The following DEAF1 variants were observed in gnomAD, a reference collection of about 807,000 sequenced individuals.
The protein encoded by DEAF1 is DEAF1 transcription factor.
Under a neutral mutation model 58.9 loss-of-function variants are expected in DEAF1, and 53 were observed. The ratio of observed to expected loss-of-function variants is 0.90; its 90% CI spans 0.72 to 1.13. The LOEUF is 1.13. DEAF1 is among the 50% of genes most tolerant of loss of function. DEAF1 has a pLI of 0.00. For missense variants in DEAF1, 685 were observed against 791.4 expected (o/e 0.87, Z 1.61); for synonymous variants, 385 against 340.4 (o/e 1.13, Z -1.44).
Position 694,827 on chromosome 11 carries a change from C to T in DEAF1, c.221G>A (p.Gly74Glu), listed in dbSNP as rs748707692. ...TAVAVMAAEP[G>E]HMDMGAEALP... ...GGCCTCGGCGCCCATGTCCATGTGC[C>T]CGGGCTCCGCCGCCATCACCGCCAC... is the stretch of plus-strand genomic sequence containing the variant. Residue 74 changes from glycine to glutamate, a missense_variant, in exon 1 of 12, where the codon GGG becomes GAG. Coordinates refer to ENST00000382409, the MANE Select transcript of DEAF1 (RefSeq NM_021008.4). 2.5e-5 allele frequency: 36 copies of T among 1,455,032 alleles called. No homozygotes were observed. Among genetic ancestry groups the T allele is most frequent in the Non-Finnish European group, 2.3e-5 (26 of 1,106,890 alleles). 90.1% of individuals were successfully genotyped at this position (1,455,032 alleles called of 1,614,324 possible).
chr11:653,802 G>A, intron 11 of DEAF1, 160 bp downstream of exon 11: 1 of 701,002 alleles, frequency 1.4e-6, no homozygotes. Flanking sequence ...CTTCTGCAGG[G>A]TCTTCACGGA....
intron 10 of DEAF1, among the ~76,000 whole-genome samples, chr11:671,839 AAAAAAAAAAAG>A (rs1238723088): frequency 3.0e-5 from 4 of 131,662 alleles, no homozygotes; most frequent in Non-Finnish European, 4.8e-5. Context: ...AAAAAAAAAA[AAAAAAAAAAAG>A]AAACACAAAA....
chr11:670,483 G>A (rs1859763699), intron 10 of DEAF1, among the ~76,000 whole-genome samples: 4 of 151,268 alleles, frequency 2.6e-5, no homozygotes, highest in Non-Finnish European at 1.5e-5. Flanking sequence ...GGGAGGCCAA[G>A]GCAAGTAGAT....
chr11:689,262 G>T (rs1239466767), intron 2 of DEAF1, among the ~76,000 whole-genome samples: 1 of 137,136 alleles, frequency 7.3e-6, no homozygotes, highest in Non-Finnish European at 1.5e-5. Context: ...CTGGAGTGCA[G>T]TGGCGCCATC....
intron 8 of DEAF1, 64 bp from the exon 9 acceptor site, chr11:678,886 C>A: frequency 6.2e-7 from 1 of 1,603,092 alleles, no homozygotes; most frequent in Non-Finnish European, 8.5e-7. Flanking sequence ...CTCTAAATAT[C>A]ACGCTGTATG....
In DEAF1 at chr11:680,888, G is replaced by T. The variant is rs1053751743; in HGVS notation, c.997+75C>A. 12 of 1,598,788 alleles carry T rather than the reference G, an allele frequency of 7.5e-6. No individual in the cohort carries two copies. In the Admixed American group the frequency reaches 8.3e-5, roughly 11 times the overall value. On this transcript the variant is annotated intron_variant, in intron 7 of 11. Coordinates refer to ENST00000382409, the MANE Select transcript of DEAF1 (RefSeq NM_021008.4). ...TAGAAGTGAGAATCCCGCAGTGGCC[G>T]TGGGAGTGGTGACGAGAGAAGGCAA... is the stretch of plus-strand genomic sequence containing the variant.
chr11:651,746 C>T (rs965772211), intron 11 of DEAF1, among the ~76,000 whole-genome samples: 2 of 152,120 alleles, frequency 1.3e-5, no homozygotes, highest in South Asian at 2.1e-4. Flanking sequence ...ATCAGCCGGG[C>T]GTGGTGGCGG....
At position 701,708 on chromosome 11, in the gene DEAF1, C is replaced by T. The variant is rs1237886537; in HGVS notation, c.-438+4864G>A. Among the ~76,000 whole-genome samples, 6 of 152,098 alleles carry T rather than the reference C, an allele frequency of 3.9e-5. No individual in the cohort carries two copies. The East Asian group carries it at 5.8e-4, about 15-fold the overall frequency. On this transcript the variant is annotated intron_variant, in intron 1 of 11. Coordinates refer to the DEAF1 transcript ENST00000683307. ...ACAGGCGTGAGCCACCGCGCCCGGC[C>T]GGAGACAGGGTTTCGCTATGTTACC...
intron 6 of DEAF1, among the ~76,000 whole-genome samples, chr11:683,847 C>T (rs962669191): frequency 1.3e-5 from 2 of 152,116 alleles, no homozygotes; most frequent in South Asian, 2.1e-4. Flanking sequence ...TACATGATTT[C>T]CTAGACTGAC....
intron 1 of DEAF1, chr11:703,028 C>T (rs1203428535): frequency 1.9e-6 from 3 of 1,612,772 alleles, no homozygotes; most frequent in African/African-American, 2.7e-5. Context: ...CCTCTCTGCC[C>T]ACTTCCTGCT....
At chr11:700,083 G>A (rs562629066), upstream of DEAF1, 1 of 1,465,900 alleles carries the variant, frequency 6.8e-7, no homozygotes, top group South Asian at 1.2e-5. Context: ...CTCTTGTTCA[G>A]CCACCTGGGA....
At chr11:685,728 T>C (rs368600493) in intron 5 of DEAF1, among the ~76,000 whole-genome samples, 4 of 151,686 alleles carry the variant, frequency 2.6e-5, no homozygotes, top group African/African-American at 9.7e-5. Flanking sequence ...AATCAGGTAA[T>C]GCCCAGGCCA....
intron 1 of DEAF1, chr11:702,959 C>T (rs771912725): frequency 5.0e-6 from 8 of 1,608,624 alleles, no homozygotes; most frequent in Non-Finnish European, 5.9e-6. Context: ...CAGGGGCAAC[C>T]TGACAGAGGC....
intron 11 of DEAF1, among the ~76,000 whole-genome samples, chr11:653,618 C>T (rs1858899945): frequency 1.4e-5 from 2 of 147,266 alleles, no homozygotes; most frequent in Admixed American, 1.4e-4. Context: ...GTCTCTCTCA[C>T]GTGGCTCTGC....
chr11:681,479 G>C (rs1347805973), intron 6 of DEAF1, among the ~76,000 whole-genome samples: 5 of 150,764 alleles, frequency 3.3e-5, no homozygotes, highest in Non-Finnish European at 7.4e-5. Context: ...GGCACAATCT[G>C]GGCTCACTGC....
At chr11:684,778 G>C (rs1564948089) in intron 6 of DEAF1, 120 bp downstream of exon 6, 7 of 845,472 alleles carry the variant, frequency 8.3e-6, no homozygotes, top group South Asian at 2.9e-5. Context: ...AGTGAGGACA[G>C]TGTCTCTCTC....
intron 8 of DEAF1, among the ~76,000 whole-genome samples, chr11:679,109 G>A (rs1307058535): frequency 6.6e-6 from 1 of 152,250 alleles, no homozygotes; most frequent in South Asian, 2.1e-4. Context: ...TCAGGAGATA[G>A]AGACCATCCT....
Position 644,878 on chromosome 11 carries a change from A to G in DEAF1, c.1594-224T>C, listed in dbSNP as rs1858410106. Among the ~76,000 whole-genome samples, 1 of 152,174 alleles carries G rather than the reference A, an allele frequency of 6.6e-6. No individual in the cohort carries two copies. Among genetic ancestry groups the G allele is most frequent in the Admixed American group, 6.6e-5 (1 of 15,262 alleles). ...GAGGAATTGGATCAAAAGGCAAACA[A>G]CAGGCAGGGCACGGTGGCTCACGCC... is the stretch of plus-strand genomic sequence containing the variant. On this transcript the variant is annotated intron_variant, in intron 11 of 11. Coordinates refer to ENST00000382409, the MANE Select transcript of DEAF1 (RefSeq NM_021008.4). The surrounding 1 kb of genome is among the most constrained non-coding windows in gnomAD (Gnocchi z 4.3).
chr11:693,286 A>G (rs575828012), intron 1 of DEAF1, among the ~76,000 whole-genome samples: 1 of 152,272 alleles, frequency 6.6e-6, no homozygotes, highest in East Asian at 1.9e-4. Context: ...CCAACGTCAA[A>G]CCAGAGTTTA....
Sources: gnomAD v4.1 joint callset for allele counts (sites outside exome capture counted in the v4.1 genomes callset) on GRCh38, gnomAD v4.1.1 for gene constraint, Gnocchi (gnomAD v3.1) non-coding constraint, MANE v1.5 for transcripts, NCBI Gene and HGNC (gene_info 2026-07-23, HGNC 2026-07-21) for gene names.